The following SWT1 variants were observed in gnomAD, a reference collection of about 807,000 sequenced individuals.
The protein encoded by SWT1 is SWT1 RNA endoribonuclease homolog.
Under a neutral mutation model 107.3 loss-of-function variants are expected in SWT1, and 33 were observed. The ratio of observed to expected loss-of-function variants is 0.31; its 90% CI spans 0.23 to 0.41. The LOEUF is 0.41. SWT1 is among the 10% of genes least tolerant of loss of function. The probability of loss-of-function intolerance (pLI) is 1.00; values close to 1 mark genes in which losing one functional copy is unlikely to be tolerated. For missense variants in SWT1, 898 were observed against 1,028.9 expected (o/e 0.87, Z 1.74); for synonymous variants, 345 against 348.3 (o/e 0.99, Z 0.11).
chr1:185,281,365 G>T, intron 18 of SWT1: 1 of 236,526 alleles, frequency 4.2e-6, no homozygotes, highest in Non-Finnish European at 8.6e-6. Context: ...GCATGTGACT[G>T]TGAAACTGGA....
At chr1:185,259,111 T>C (rs949536744) in intron 16 of SWT1, among the ~76,000 whole-genome samples, 1 of 152,164 alleles carries the variant, frequency 6.6e-6, no homozygotes, top group Non-Finnish European at 1.5e-5. Context: ...TACCTTTATG[T>C]TACTTTAAAA....
At chr1:185,171,160 GAA>G (rs34770523) in intron 4 of SWT1, among the ~76,000 whole-genome samples, 10 of 147,314 alleles carry the variant, frequency 6.8e-5, no homozygotes, top group South Asian at 2.1e-4. Context: ...TTTCAAACAG[GAA>G]AAAAAAAAAA....
intron 5 of SWT1, among the ~76,000 whole-genome samples, 196 bp from the exon 6 acceptor site, chr1:185,180,195 T>C (rs1410585574): frequency 1.3e-5 from 2 of 151,634 alleles, no homozygotes; most frequent in East Asian, 1.9e-4. Flanking sequence ...AAAAAAAAAG[T>C]TTGGGAGTAG....
Position 185,290,711 on chromosome 1 carries a change from A to G in SWT1, c.2611A>G (p.Met871Val). 1.3e-6 allele frequency: 2 copies of G among 1,591,180 alleles called. No individual in the cohort carries two copies. The highest frequency in any genetic ancestry group is 2.3e-5 in the South Asian group (2 of 87,414). Residue 871 changes from methionine to valine, a missense_variant, in exon 19 of 19, where the codon ATG becomes GTG. By Grantham distance (21) the Met-to-Val change is conservative. Around this residue, in one of 6 missense-constraint regions of SWT1, gnomAD observed 382 missense variants for 460.0 expected, o/e 0.83. Transcript: ENST00000367500. ...CATTGGATGCCGCCAGCTGGTTGAGATGGAATATACCATGCAGCAGTGCAA... is the reference window on the plus strand; with the variant it reads ...CATTGGATGCCGCCAGCTGGTTGAGGTGGAATATACCATGCAGCAGTGCAA... ...LTIGCRQLVE[M>V]EYTMQQCNAS... is the part of the protein sequence containing the mutation.
At chr1:185,182,668 CAAAAA>C (rs59326029) in intron 7 of SWT1, among the ~76,000 whole-genome samples, 16 of 67,032 alleles carry the variant, frequency 2.4e-4, no homozygotes, top group African/African-American at 8.9e-4. Context: ...CTCTCTCTCT[CAAAAA>C]AAAAAAAAAA....
intron 17 of SWT1, among the ~76,000 whole-genome samples, chr1:185,273,082 A>G (rs1246015206): frequency 6.6e-6 from 1 of 151,800 alleles, no homozygotes; most frequent in African/African-American, 2.4e-5. Context: ...TTAAGCAATG[A>G]ATGGTGTTTA....
chr1:185,232,488 T>A (rs934552264), intron 16 of SWT1, among the ~76,000 whole-genome samples: 2 of 152,142 alleles, frequency 1.3e-5, no homozygotes, highest in Non-Finnish European at 2.9e-5. Context: ...AGATATGACC[T>A]CTGAATCCAA....
intron 15 of SWT1, among the ~76,000 whole-genome samples, chr1:185,229,620 T>C (rs1057436581): frequency 2.6e-5 from 4 of 151,900 alleles, no homozygotes; most frequent in African/African-American, 9.7e-5. Flanking sequence ...CCTGCCTCCC[T>C]AGCCACTCTC....
chr1:185,208,522 A>G (rs1435366858), intron 13 of SWT1, among the ~76,000 whole-genome samples: 1 of 152,200 alleles, frequency 6.6e-6, no homozygotes, highest in East Asian at 1.9e-4. Flanking sequence ...TCACAAAGAA[A>G]TGATAAATGC....
intron 17 of SWT1, among the ~76,000 whole-genome samples, chr1:185,275,286 A>G (rs1210727599): frequency 2.0e-5 from 3 of 151,984 alleles, no homozygotes; most frequent in South Asian, 2.1e-4. Flanking sequence ...AACAATATCA[A>G]CAGCCCTTAG....
chr1:185,198,995 T>C (rs1313751966), intron 10 of SWT1, among the ~76,000 whole-genome samples: 1 of 151,118 alleles, frequency 6.6e-6, no homozygotes, highest in Non-Finnish European at 1.5e-5. Flanking sequence ...TGGAGTACAG[T>C]GGTGAGATCT....
At chr1:185,273,201 T>A (rs1057375773) in intron 17 of SWT1, among the ~76,000 whole-genome samples, 3 of 152,070 alleles carry the variant, frequency 2.0e-5, no homozygotes, top group Admixed American at 2.0e-4. Flanking sequence ...GGTCAGGAGT[T>A]TGAGAACAGG....
chr1:185,222,762 C>CAAAAAAAAAAAAAAAAAAAAAAAAAAAA (rs59515070), intron 15 of SWT1, among the ~76,000 whole-genome samples: 1 of 36,096 alleles, frequency 2.8e-5, no homozygotes, highest in Non-Finnish European at 6.3e-5. Flanking sequence ...GACGCCATCT[C>CAAAAAAAAAAAAAAAAAAAAAAAAAAAA]AAAAAAAAAA....
chr1:185,192,437 C>T (rs528982169), intron 10 of SWT1, among the ~76,000 whole-genome samples: 1 of 152,172 alleles, frequency 6.6e-6, no homozygotes, highest in South Asian at 2.1e-4. Context: ...ATTAGCCAGT[C>T]CTGTGTGGTC....
chr1:185,240,358 T>A (rs1311359954), intron 16 of SWT1, among the ~76,000 whole-genome samples: 4 of 152,116 alleles, frequency 2.6e-5, no homozygotes, highest in African/African-American at 9.7e-5. Context: ...TTTGAAATGT[T>A]TGAGATAATG....
intron 17 of SWT1, among the ~76,000 whole-genome samples, chr1:185,275,539 C>T (rs577348581): frequency 8.5e-4 from 128 of 150,022 alleles, no homozygotes; most frequent in Non-Finnish European, 1.4e-3. Flanking sequence ...TATGTGTGTA[C>T]ATATATATAT....
At chr1:185,231,429 A>G (rs557805970) in intron 15 of SWT1, 148 bp from the exon 16 acceptor site, 8 of 644,326 alleles carry the variant, frequency 1.2e-5, no homozygotes, top group African/African-American at 5.5e-5. Context: ...GTATTTTACT[A>G]TCTTTTATTT....
rs75397465 is a variant in SWT1 at position 185,201,856 on chromosome 1, G to C, written c.1524-798G>C. 5.3e-3 allele frequency among the ~76,000 whole-genome samples: 801 copies of C among 152,184 alleles called. 5 individuals carry two copies. The highest frequency in any genetic ancestry group is 0.018 in the African/African-American group (745 of 41,510). ...AGGTAAAAAGAGACTTGTAGTTCTC[G>C]CTATGCATTTTCTGTGTCTTCAGGG... is the stretch of plus-strand genomic sequence containing the variant. On this transcript the variant is annotated intron_variant, in intron 10 of 18. Transcript: ENST00000367500.
chr1:185,168,006 A>C (rs923825103), intron 3 of SWT1, among the ~76,000 whole-genome samples: 1 of 152,174 alleles, frequency 6.6e-6, no homozygotes, highest in Non-Finnish European at 1.5e-5. Flanking sequence ...GCTCTTTAGG[A>C]CATGGATTAT....
Sources: allele counts gnomAD v4.1 joint callset (sites outside exome capture counted in the v4.1 genomes callset), GRCh38; gene constraint gnomAD v4.1.1; regional missense constraint gnomAD v4.1.1; transcripts MANE v1.5; gene names NCBI Gene and HGNC (gene_info 2026-07-23, HGNC 2026-07-21).